Variants in PAFAH1B2 observed in about 807,000 individuals in gnomAD.
The protein encoded by PAFAH1B2 is platelet-activating factor acetylhydrolase IB subunit alpha2.
PAFAH1B2 carries 8 observed loss-of-function variants against 28.0 expected under a neutral mutation model. The ratio of observed to expected loss-of-function variants is 0.29; its 90% CI spans 0.17 to 0.52. The LOEUF is 0.52. PAFAH1B2 is among the 20% of genes least tolerant of loss of function. The pLI, the probability that PAFAH1B2 is intolerant of heterozygous loss-of-function variation, is 0.97. For synonymous variants in PAFAH1B2, 104 were observed against 103.2 expected, an observed-to-expected ratio of 1.01 and a Z score of -0.05; for missense variants, 190 against 282.6, an observed-to-expected ratio of 0.67 and a Z score of 2.35.
rs1956637714 is a variant in PAFAH1B2, at chr11:117,170,953, G to A, written c.*3254G>A. The A allele has an allele frequency of 9.5e-7, 1 of 1,054,266 alleles. No individual in the cohort carries two copies. Among genetic ancestry groups the A allele is most frequent in the South Asian group, 4.6e-5 (1 of 21,898 alleles). The allele number at this position is 1,054,266 out of a possible 1,614,324, so 65.3% of individuals were successfully genotyped here. On this transcript the variant is annotated 3_prime_UTR_variant, in exon 6 of 6. Coordinates refer to ENST00000527958, the MANE Select transcript of PAFAH1B2 (RefSeq NM_002572.4). The stretch of plus-strand genomic sequence containing the variant: ...AGCTGACTGGACCTCCCCATTGGAA[G>A]TTTGTGATTTTGCTTTGGCAAAGTT...
At chr11:117,150,667 A>G (rs1310049290) in intron 1 of PAFAH1B2, among the ~76,000 whole-genome samples, 3 of 152,176 alleles carry the variant, frequency 2.0e-5, no homozygotes, top group Non-Finnish European at 4.4e-5. Context: ...GTAAATATGT[A>G]TATTGAATGA....
intron 2 of PAFAH1B2, among the ~76,000 whole-genome samples, chr11:117,156,742 C>T (rs985491662): frequency 6.6e-6 from 1 of 151,988 alleles, no homozygotes; most frequent in Non-Finnish European, 1.5e-5. Flanking sequence ...TAGTTGGGGC[C>T]GGGCACGGTG....
intron 5 of PAFAH1B2, among the ~76,000 whole-genome samples, chr11:117,166,225 G>A (rs997454988): frequency 1.3e-5 from 2 of 152,110 alleles, no homozygotes; most frequent in Admixed American, 1.3e-4. Context: ...TTTATTACAA[G>A]GCATTTCATT....
At position 117,168,606 on chromosome 11, in the gene PAFAH1B2, A is replaced by G. The variant is rs942713909; in HGVS notation, c.*907A>G. 1.1e-5 allele frequency: 12 copies of G among 1,062,972 alleles called. No homozygotes were observed. Among genetic ancestry groups the G allele is most frequent in the Non-Finnish European group, 1.0e-5 (9 of 878,162 alleles). 65.8% of individuals were successfully genotyped at this position (1,062,972 alleles called of 1,614,324 possible). A position where few individuals can be genotyped will look rare whatever the true frequency, so the allele number is the denominator to read the frequency against. ...ATTCTTGTGTGGTGTTCTGTGCTATAGATTCTGTGTATTGCTGTTCATATT... is the reference window on the plus strand; with the variant it reads ...ATTCTTGTGTGGTGTTCTGTGCTATGGATTCTGTGTATTGCTGTTCATATT... On this transcript the variant is annotated 3_prime_UTR_variant, in exon 6 of 6. Coordinates refer to ENST00000527958, the MANE Select transcript of PAFAH1B2 (RefSeq NM_002572.4).
chr11:117,175,936 C>T (rs776265970), downstream of PAFAH1B2: 30 of 1,534,974 alleles, frequency 2.0e-5, 1 homozygote, highest in South Asian at 3.1e-4. Context: ...GCAGGATTAC[C>T]ATGAAAGAAA....
At chr11:117,166,145 G>T (rs1459237019) in intron 5 of PAFAH1B2, among the ~76,000 whole-genome samples, 1 of 152,164 alleles carries the variant, frequency 6.6e-6, no homozygotes, top group Admixed American at 6.6e-5. Flanking sequence ...GCCAGACCAG[G>T]TCATGTAGGA....
At chr11:117,176,250 G>C (rs1365600924) in exon 6 of PAFAH1B2, 2 of 421,940 alleles carry the variant, frequency 4.7e-6, no homozygotes, top group Non-Finnish European at 8.5e-6. Context: ...AAGGGGTGCA[G>C]CTTGCTTCTG....
chr11:117,161,371 T>C (rs1956365931), intron 4 of PAFAH1B2, 110 bp downstream of exon 4: 2 of 633,802 alleles, frequency 3.2e-6, no homozygotes, highest in Non-Finnish European at 2.7e-6. Flanking sequence ...ATTTCACTAT[T>C]TTTTTCGTGC....
Position 117,168,711 on chromosome 11 carries a change from C to T in PAFAH1B2, c.*1012C>T. 1 of 1,057,886 alleles carries T rather than the reference C, an allele frequency of 9.5e-7. No individual in the cohort carries two copies. The highest frequency in any genetic ancestry group is 1.1e-6 in the Non-Finnish European group (1 of 873,734). 65.5% of individuals were successfully genotyped at this position (1,057,886 alleles called of 1,614,324 possible). ...TGGGGGGATTCAGAACTCTTGTTTC[C>T]CATTCCATAGCACCTGACATTATTT... On this transcript the variant is annotated 3_prime_UTR_variant, in exon 6 of 6. Coordinates refer to ENST00000527958, the MANE Select transcript of PAFAH1B2 (RefSeq NM_002572.4).
At chr11:117,164,512 T>C (rs118155116) in intron 5 of PAFAH1B2, among the ~76,000 whole-genome samples, 4,718 of 152,326 alleles carry the variant, frequency 0.031, 98 homozygotes, top group Non-Finnish European at 0.036. Flanking sequence ...CCTGAGTCTT[T>C]TTATTAGACC....
chr11:117,177,536 A>G (rs2030052280), downstream of PAFAH1B2, among the ~76,000 whole-genome samples: 2 of 151,948 alleles, frequency 1.3e-5, no homozygotes, highest in Admixed American at 1.3e-4. Flanking sequence ...GGTTTTATTT[A>G]CTTATTTATT....
At chr11:117,160,159 A>G (rs1956342252) in intron 3 of PAFAH1B2, 136 bp downstream of exon 3, 3 of 674,442 alleles carry the variant, frequency 4.4e-6, no homozygotes, top group Non-Finnish European at 8.0e-6. Flanking sequence ...AAGAGAATCA[A>G]AGCTACCTAA....
Position 117,151,733 on chromosome 11 carries a change from C to A in PAFAH1B2, c.-7-708C>A, listed in dbSNP as rs572038807. Among the ~76,000 whole-genome samples, 3 of 152,010 alleles carry A rather than the reference C, an allele frequency of 2.0e-5. No homozygotes were observed. The South Asian group carries it at 6.2e-4, about 32-fold the overall frequency. ...GTTTTTTTTTTGAGACAGAGTCTTG[C>A]TCAGTCGCCCAGGCTGGAGTGCATT... On this transcript the variant is annotated intron_variant, in intron 1 of 5. Transcript: ENST00000527958.
At chr11:117,149,662 G>C (rs1165990128) in intron 1 of PAFAH1B2, among the ~76,000 whole-genome samples, 1 of 145,504 alleles carries the variant, frequency 6.9e-6, no homozygotes, top group Admixed American at 6.9e-5. Flanking sequence ...TCGATCTCCT[G>C]ACCTCGTGAT....
At position 117,168,592 on chromosome 11, in the gene PAFAH1B2, G is replaced by T; in HGVS notation, c.*893G>T. ...CTGCTATAAAACTCATTCTTGTGTG[G>T]TGTTCTGTGCTATAGATTCTGTGTA... is the stretch of plus-strand genomic sequence containing the variant. On this transcript the variant is annotated 3_prime_UTR_variant, in exon 6 of 6. Transcript: ENST00000527958. 9.4e-7 allele frequency: 1 copy of T among 1,062,388 alleles called. No individual in the cohort carries two copies. Among genetic ancestry groups the T allele is most frequent in the Non-Finnish European group, 1.1e-6 (1 of 877,936 alleles). The allele number at this position is 1,062,388 out of a possible 1,614,324, so 65.8% of individuals were successfully genotyped here.
At chr11:117,150,555 T>C (rs1211467611) in intron 1 of PAFAH1B2, among the ~76,000 whole-genome samples, 1 of 152,272 alleles carries the variant, frequency 6.6e-6, no homozygotes, top group African/African-American at 2.4e-5. Context: ...GCTTCTGTAA[T>C]TTATTTTTCT....
At chr11:117,159,594 G>A (rs905564553) in intron 2 of PAFAH1B2, 5 of 206,166 alleles carry the variant, frequency 2.4e-5, no homozygotes, top group Non-Finnish European at 3.9e-5. Flanking sequence ...AATTAGCCAG[G>A]CATGGTGGCA....
chr11:117,164,891 C>A (rs550247741), intron 5 of PAFAH1B2, among the ~76,000 whole-genome samples: 1 of 151,918 alleles, frequency 6.6e-6, no homozygotes, highest in Non-Finnish European at 1.5e-5. Context: ...AAAAAATTAG[C>A]TGGGCGTGGT....
At chr11:117,171,725 C>A, downstream of PAFAH1B2, 1 of 1,535,954 alleles carries the variant, frequency 6.5e-7, no homozygotes, top group Non-Finnish European at 8.7e-7. Context: ...ACACCAGCAA[C>A]TACCAGGCCA....
Sources: gnomAD v4.1 joint callset for allele counts (sites outside exome capture counted in the v4.1 genomes callset) on GRCh38, gnomAD v4.1.1 for gene constraint, MANE v1.5 for transcripts, NCBI Gene and HGNC (gene_info 2026-07-23, HGNC 2026-07-21) for gene names.